CACNA2D3: variants seen among roughly 807,000 people sequenced by gnomAD.
The protein encoded by CACNA2D3 is calcium voltage-gated channel auxiliary subunit alpha2delta 3, also known as voltage-dependent calcium channel subunit alpha-2/delta-3.
Under a neutral mutation model 160.6 loss-of-function variants are expected in CACNA2D3, and 60 were observed. That is an observed-to-expected ratio of 0.37 (90% confidence interval 0.30 to 0.46). CACNA2D3 has a LOEUF of 0.46. CACNA2D3 is among the 20% of genes least tolerant of loss of function. CACNA2D3 has a pLI of 1.00. For synonymous variants in CACNA2D3, 558 were observed against 492.9 expected, an observed-to-expected ratio of 1.13 and a Z score of -1.75; for missense variants, 1,205 against 1,365.0, an observed-to-expected ratio of 0.88 and a Z score of 1.85.
chr3:54,850,066 T>C (rs528678385), intron 17 of CACNA2D3, among the ~76,000 whole-genome samples: 1 of 152,336 alleles, frequency 6.6e-6, no homozygotes, highest in African/African-American at 2.4e-5. Context: ...CTGGCAAAGC[T>C]GCTGAAGCAA....
At chr3:54,359,906 G>C (rs1698713167) in intron 3 of CACNA2D3, among the ~76,000 whole-genome samples, 1 of 152,190 alleles carries the variant, frequency 6.6e-6, no homozygotes, top group African/African-American at 2.4e-5. Context: ...AGAGAGTCAT[G>C]CTCAGACCTC....
At chr3:54,928,476 A>G (rs977597755) in intron 27 of CACNA2D3, among the ~76,000 whole-genome samples, 1 of 152,148 alleles carries the variant, frequency 6.6e-6, no homozygotes, top group Non-Finnish European at 1.5e-5. Context: ...AGTGTGTAAT[A>G]TGAGGACAAA....
At position 54,844,500 on chromosome 3, in the gene CACNA2D3, T is replaced by C. The variant is rs572806317; in HGVS notation, c.1552-1893T>C. Among the ~76,000 whole-genome samples the C allele has an allele frequency of 6.6e-5, 10 of 152,230 alleles. No individual in the cohort carries two copies. The South Asian group carries it at 2.1e-3, about 32-fold the overall frequency. On this transcript the variant is annotated intron_variant, in intron 16 of 37. Coordinates refer to ENST00000474759, the MANE Select transcript of CACNA2D3 (RefSeq NM_018398.3). ...GAGAGTTTAGCTAAGCTGTGTAGAA[T>C]CTGCACTAAATGCAGTTTCTTCTAT...
At chr3:54,851,516 C>T (rs535715514) in intron 17 of CACNA2D3, among the ~76,000 whole-genome samples, 3 of 152,268 alleles carry the variant, frequency 2.0e-5, no homozygotes, top group East Asian at 1.9e-4. Flanking sequence ...CACTCTGCTG[C>T]GTGGGTTCTT....
chr3:54,132,950 A>G (rs185321437), intron 2 of CACNA2D3, among the ~76,000 whole-genome samples: 1 of 152,306 alleles, frequency 6.6e-6, no homozygotes, highest in Admixed American at 6.5e-5. Context: ...ATGCTTGGCA[A>G]TAAGTGACTC....
At chr3:54,931,335 G>T (rs548012433) in intron 27 of CACNA2D3, among the ~76,000 whole-genome samples, 18 of 152,282 alleles carry the variant, frequency 1.2e-4, no homozygotes, top group African/African-American at 4.3e-4. Flanking sequence ...ACATGGCCTG[G>T]ACTGCCCGCC....
intron 31 of CACNA2D3, among the ~76,000 whole-genome samples, chr3:54,990,753 C>T (rs1369010841): frequency 1.3e-5 from 2 of 152,156 alleles, no homozygotes; most frequent in African/African-American, 4.8e-5. Context: ...GACCACTCAC[C>T]TCGTGACCCA....
intron 27 of CACNA2D3, among the ~76,000 whole-genome samples, chr3:54,934,938 A>G (rs748190758): frequency 6.6e-5 from 10 of 152,030 alleles, no homozygotes; most frequent in South Asian, 4.2e-4. Context: ...GGGTTTCACA[A>G]TGTTGGCCAG....
chr3:54,644,548 T>G lies in CACNA2D3; in HGVS notation c.1167+2307T>G, dbSNP rs141605799. On this transcript the variant is annotated intron_variant, in intron 11 of 37. Transcript: ENST00000474759. ...TCTGAGCAGTCATCTTTCTCCATTA[T>G]TTTGAATGTTAGCTATTCAGTAGAG... Among the ~76,000 whole-genome samples, 241 of 152,370 alleles carry G rather than the reference T, an allele frequency of 1.6e-3. 1 individual carries two copies. Among genetic ancestry groups the G allele is most frequent in the Non-Finnish European group, 1.7e-3 (114 of 68,030 alleles).
chr3:54,652,990 T>G (rs1699804453), intron 11 of CACNA2D3, among the ~76,000 whole-genome samples: 1 of 151,528 alleles, frequency 6.6e-6, no homozygotes, highest in Non-Finnish European at 1.5e-5. Context: ...ATCATGTTGG[T>G]CAGGCTGGTC....
In CACNA2D3 at chr3:54,885,548, T is replaced by C; in HGVS notation, c.2018T>C (p.Ile673Thr). The change falls in exon 23 of 38, where the codon ATT becomes ACT. Residue 673 changes from isoleucine to threonine, a missense_variant. Around this residue, in one of 3 missense-constraint regions of CACNA2D3, gnomAD observed 911 missense variants for 1,002.2 expected, o/e 0.91. Coordinates refer to ENST00000474759, the MANE Select transcript of CACNA2D3 (RefSeq NM_018398.3). The stretch of plus-strand genomic sequence containing the variant: ...CGCCATCTGTCTCAGTTAGAAGCGA[T>C]TAAGCTCTACCTAAAAGGCAAAGAA... ...EHRHLSQLEA[I>T]KLYLKGKEPL... 6.2e-7 allele frequency: 1 copy of C among 1,613,622 alleles called. No homozygotes were observed. Among genetic ancestry groups the C allele is most frequent in the African/African-American group, 1.3e-5 (1 of 75,046 alleles).
intron 14 of CACNA2D3, among the ~76,000 whole-genome samples, chr3:54,831,998 T>C (rs1407590213): frequency 1.7e-5 from 2 of 120,472 alleles, no homozygotes; most frequent in African/African-American, 6.8e-5. Context: ...CCTCTTTATC[T>C]CTCTCTTCTC....
At chr3:54,840,613 G>T (rs1559601229) in intron 16 of CACNA2D3, among the ~76,000 whole-genome samples, 1 of 150,998 alleles carries the variant, frequency 6.6e-6, no homozygotes, top group Admixed American at 6.6e-5. Context: ...GTTTCACCAT[G>T]TTGGTCAGGC....
intron 12 of CACNA2D3, among the ~76,000 whole-genome samples, chr3:54,761,691 T>C (rs1287111730): frequency 6.6e-6 from 1 of 152,150 alleles, no homozygotes; most frequent in African/African-American, 2.4e-5. Flanking sequence ...GCCTATTCCT[T>C]TGGGGCCCTG....
At chr3:54,131,058 G>T (rs1261297785) in intron 2 of CACNA2D3, among the ~76,000 whole-genome samples, 2 of 152,230 alleles carry the variant, frequency 1.3e-5, no homozygotes, top group Non-Finnish European at 2.9e-5. Context: ...TGGCACATTG[G>T]CTCCTGCCAG....
chr3:54,606,900 C>G (rs1203159895), intron 9 of CACNA2D3, among the ~76,000 whole-genome samples: 1 of 152,100 alleles, frequency 6.6e-6, no homozygotes, highest in Non-Finnish European at 1.5e-5. Context: ...CACCTATCTC[C>G]CAGTCCTGTG....
At chr3:54,172,234 T>TAA (rs1700587607) in intron 2 of CACNA2D3, among the ~76,000 whole-genome samples, 1 of 152,212 alleles carries the variant, frequency 6.6e-6, no homozygotes, top group African/African-American at 2.4e-5. Context: ...TGAAAGGTGT[T>TAA]CATTTGATTT....
At chr3:54,348,679 CAAG>C (rs757609923) in intron 3 of CACNA2D3, among the ~76,000 whole-genome samples, 4 of 152,180 alleles carry the variant, frequency 2.6e-5, no homozygotes, top group Non-Finnish European at 4.4e-5. Context: ...TCTTTTCTGT[CAAG>C]AAGAGAGATG....
chr3:54,355,052 G>A (rs1262111589), intron 3 of CACNA2D3, among the ~76,000 whole-genome samples: 1 of 152,242 alleles, frequency 6.6e-6, no homozygotes, highest in African/African-American at 2.4e-5. Flanking sequence ...GTCATGGCAT[G>A]TGTTTGTGTA....
Sources: allele counts gnomAD v4.1 joint callset (sites outside exome capture counted in the v4.1 genomes callset), GRCh38; gene constraint gnomAD v4.1.1; regional missense constraint gnomAD v4.1.1; transcripts MANE v1.5; gene names NCBI Gene and HGNC (gene_info 2026-07-23, HGNC 2026-07-21).